Variants in NUP93 observed in about 807,000 individuals in gnomAD.
NUP93 encodes nuclear pore complex protein Nup93.
Under a neutral mutation model 107.8 loss-of-function variants are expected in NUP93, and 55 were observed. The observed-to-expected ratio is 0.51, with a 90% CI of 0.41 to 0.64. The LOEUF (loss-of-function observed/expected upper bound fraction) is 0.64. NUP93 is among the 30% of genes least tolerant of loss of function. The probability of loss-of-function intolerance (pLI) is 0.00; values close to 1 mark genes in which losing one functional copy is unlikely to be tolerated. For synonymous variants in NUP93, 390 were observed against 397.5 expected (o/e 0.98, Z 0.22); for missense variants, 937 against 1,044.7 (o/e 0.90, Z 1.42).
At chr16:56,821,722 C>T in intron 7 of NUP93, 129 bp downstream of exon 7, 1 of 575,110 alleles carries the variant, frequency 1.7e-6, no homozygotes, top group Non-Finnish European at 3.1e-6. Flanking sequence ...AACTGTTCTT[C>T]AGTTTTATTT....
chr16:56,740,126 G>GGCC (rs1961696350), intron 1 of NUP93, among the ~76,000 whole-genome samples: 1 of 116,500 alleles, frequency 8.6e-6, no homozygotes. Context: ...GCGGGGGGCT[G>GGCC]ACCCCCCCAC....
At chr16:56,814,565 A>G (rs1226514803) in intron 5 of NUP93, among the ~76,000 whole-genome samples, 14 of 152,178 alleles carry the variant, frequency 9.2e-5, no homozygotes, top group African/African-American at 3.1e-4. Context: ...TACACTTTGT[A>G]CAATAGTAGG....
At chr16:56,814,283 C>T (rs1329428504) in intron 5 of NUP93, among the ~76,000 whole-genome samples, 2 of 152,134 alleles carry the variant, frequency 1.3e-5, no homozygotes, top group African/African-American at 4.8e-5. Context: ...CGGGCTCAAG[C>T]GATCCTCTCG....
chr16:56,761,496 A>T (rs768734655), intron 3 of NUP93, among the ~76,000 whole-genome samples: 6 of 152,090 alleles, frequency 3.9e-5, no homozygotes, highest in African/African-American at 9.7e-5. Flanking sequence ...CTTAAATGAG[A>T]TATAATTCAC....
At chr16:56,810,267 T>C (rs950324170) in intron 5 of NUP93, among the ~76,000 whole-genome samples, 8 of 152,158 alleles carry the variant, frequency 5.3e-5, no homozygotes, top group Non-Finnish European at 1.0e-4. Flanking sequence ...TCTTACAGAT[T>C]TTGTTGTTTG....
At chr16:56,776,746 C>T (rs1314932081) in intron 3 of NUP93, among the ~76,000 whole-genome samples, 3 of 152,166 alleles carry the variant, frequency 2.0e-5, no homozygotes, top group Non-Finnish European at 2.9e-5. Context: ...TTTCTCAGTA[C>T]GTGTCCCATA....
chr16:56,809,043 T>G (rs1324433111), intron 5 of NUP93, among the ~76,000 whole-genome samples: 1 of 152,086 alleles, frequency 6.6e-6, no homozygotes, highest in Non-Finnish European at 1.5e-5. Context: ...AAACGTTAGC[T>G]TACTGAATGC....
rs1484387924 is a variant in NUP93 at position 56,845,337 on chromosome 16, GC to G, written c.*730del. The G allele has an allele frequency of 6.6e-6, 1 of 152,336 alleles. No homozygotes were observed. Among genetic ancestry groups the G allele is most frequent in the Non-Finnish European group, 1.5e-5 (1 of 68,190 alleles). 9.4% of individuals were successfully genotyped at this position (152,336 alleles called of 1,614,324 possible). ...TGCTCCACTGTGAGTTGACTGCTCG[GC>G]CTTGTACACACCCCTCCTAGAAAGA... On this transcript the variant is annotated 3_prime_UTR_variant, in exon 22 of 22. Transcript: ENST00000308159.
At chr16:56,828,300 C>T (rs1384291635) in intron 8 of NUP93, among the ~76,000 whole-genome samples, 1 of 149,784 alleles carries the variant, frequency 6.7e-6, no homozygotes, top group African/African-American at 2.5e-5. Context: ...ATTATATTTT[C>T]TTGATGAGAT....
At chr16:56,805,477 T>A (rs760508682) in intron 4 of NUP93, 27 bp from the exon 5 acceptor site, 1 of 1,610,880 alleles carries the variant, frequency 6.2e-7, no homozygotes, top group Non-Finnish European at 8.5e-7. Context: ...TTCCTGAGGG[T>A]CATTGTTCTC....
intron 6 of NUP93, 122 bp from the exon 7 acceptor site, chr16:56,821,381 GC>G: frequency 1.6e-6 from 1 of 635,630 alleles, no homozygotes; most frequent in Non-Finnish European, 2.8e-6. Context: ...AGTGTGGATG[GC>G]TCAGCCACTC....
rs372119297 is a variant in NUP93 at position 56,750,625 on chromosome 16, C to T, written c.179+2199C>T. On this transcript the variant is annotated intron_variant, in intron 2 of 21. Coordinates refer to ENST00000308159, the MANE Select transcript of NUP93 (RefSeq NM_014669.5). ...GCTTAACATATATAAAAATGTAAAT[C>T]GGGTTTTACAGCCCATGAGCCACAT... 6.7e-4 allele frequency among the ~76,000 whole-genome samples: 102 copies of T among 152,108 alleles called. No individual in the cohort carries two copies. In the South Asian group the frequency reaches 0.02, roughly 29 times the overall value.
At chr16:56,785,714 G>T (rs944133480) in intron 3 of NUP93, among the ~76,000 whole-genome samples, 17 of 152,168 alleles carry the variant, frequency 1.1e-4, no homozygotes, top group Admixed American at 2.0e-4. Flanking sequence ...TTTAAATTAG[G>T]TTTGAAGACA....
chr16:56,763,224 A>G (rs560049996), intron 3 of NUP93, among the ~76,000 whole-genome samples: 45 of 152,342 alleles, frequency 3.0e-4, no homozygotes, highest in African/African-American at 1.0e-3. Context: ...GCAGGTCCCA[A>G]CTAAGTTTCT....
intron 3 of NUP93, among the ~76,000 whole-genome samples, chr16:56,797,012 C>A (rs1220588492): frequency 1.3e-5 from 2 of 150,964 alleles, no homozygotes; most frequent in Non-Finnish European, 2.9e-5. Flanking sequence ...CGGTGGCTTA[C>A]GCCGGTAATC....
chr16:56,806,420 T>C (rs1214346218), intron 5 of NUP93, among the ~76,000 whole-genome samples: 2 of 152,112 alleles, frequency 1.3e-5, no homozygotes, highest in African/African-American at 4.8e-5. Context: ...GTTGTTGTTA[T>C]TGCCGTGTAA....
At chr16:56,797,426 C>G (rs1962924791) in intron 3 of NUP93, among the ~76,000 whole-genome samples, 1 of 152,228 alleles carries the variant, frequency 6.6e-6, no homozygotes, top group Admixed American at 6.5e-5. Flanking sequence ...AGCCCCCCAC[C>G]AGCCCAAGCT....
chr16:56,798,477 G>T lies in NUP93; in HGVS notation c.299G>T (p.Gly100Val). 6.2e-7 allele frequency: 1 copy of T among 1,613,896 alleles called. No homozygotes were observed. The highest frequency in any genetic ancestry group is 8.5e-7 in the Non-Finnish European group (1 of 1,179,792). The change falls in exon 4 of 22, where the codon GGC becomes GTC. Residue 100 changes from glycine to valine, a missense_variant and splice_region_variant. Physicochemically the swap from Gly to Val is moderately radical, Grantham distance 109. Coordinates refer to ENST00000308159, the MANE Select transcript of NUP93 (RefSeq NM_014669.5). ...GTGTTAATTTTCCCCCATTTATAGG[G>T]CTTCCTGAAGAATGAGAAGGACAAT... is the stretch of plus-strand genomic sequence containing the variant. ...LEPVKDTDIQGFLKNEKDNAL... is the reference protein window; with the variant it reads ...LEPVKDTDIQVFLKNEKDNAL...
chr16:56,775,741 G>A (rs1314809590), intron 3 of NUP93, among the ~76,000 whole-genome samples: 1 of 152,136 alleles, frequency 6.6e-6, no homozygotes, highest in East Asian at 1.9e-4. Flanking sequence ...AGATCCTTGT[G>A]CCCCTATTTT....
Sources: gnomAD v4.1 joint callset for allele counts (sites outside exome capture counted in the v4.1 genomes callset) on GRCh38, gnomAD v4.1.1 for gene constraint, MANE v1.5 for transcripts, NCBI Gene and HGNC (gene_info 2026-07-23, HGNC 2026-07-21) for gene names.